The following TNR variants were observed in gnomAD, a reference collection of about 807,000 sequenced individuals.
TNR encodes tenascin-R.
Under a neutral mutation model 150.4 loss-of-function variants are expected in TNR, and 45 were observed. That is an observed-to-expected ratio of 0.30 (90% CI 0.24 to 0.38). The LOEUF is 0.38. Ranked by LOEUF, TNR falls within the 10% of genes least tolerant of loss-of-function variation. TNR has a pLI of 1.00. For missense variants in TNR, 1,544 were observed against 1,759.1 expected, an observed-to-expected ratio of 0.88 and a Z score of 2.19; for synonymous variants, 687 against 678.4, an observed-to-expected ratio of 1.01 and a Z score of -0.20.
intron 2 of TNR, among the ~76,000 whole-genome samples, chr1:175,460,669 A>G (rs1349087479): frequency 6.6e-6 from 1 of 152,228 alleles, no homozygotes; most frequent in Non-Finnish European, 1.5e-5. Flanking sequence ...CTCATAGATG[A>G]GCAAACTGGG....
intron 1 of TNR, among the ~76,000 whole-genome samples, chr1:175,629,576 G>A (rs943936403): frequency 2.6e-4 from 39 of 152,130 alleles, no homozygotes; most frequent in South Asian, 4.1e-4. Flanking sequence ...CCAGGCTGGC[G>A]TCAAACCCTG....
intron 2 of TNR, among the ~76,000 whole-genome samples, chr1:175,505,766 C>G (rs1658935254): frequency 6.6e-6 from 1 of 152,234 alleles, no homozygotes; most frequent in Non-Finnish European, 1.5e-5. Context: ...TAAGGCCGGA[C>G]ATGGTGGCTC....
intron 1 of TNR, among the ~76,000 whole-genome samples, chr1:175,669,394 T>C (rs1665627824): frequency 6.6e-6 from 1 of 152,208 alleles, no homozygotes; most frequent in Non-Finnish European, 1.5e-5. Flanking sequence ...CTGGTTATCC[T>C]TTGCATACAT....
intron 4 of TNR, among the ~76,000 whole-genome samples, chr1:175,402,630 A>G (rs1653766958): frequency 6.6e-6 from 1 of 152,226 alleles, no homozygotes; most frequent in Non-Finnish European, 1.5e-5. Flanking sequence ...AATTAATAAC[A>G]TCTTGCAATC....
intron 20 of TNR, 25 bp from the exon 21 acceptor site, chr1:175,330,260 C>T (rs1649664500): frequency 2.0e-6 from 3 of 1,499,954 alleles, no homozygotes; most frequent in African/African-American, 2.8e-5. Context: ...AGAAAATGCA[C>T]TGAGACTGGC....
intron 2 of TNR, among the ~76,000 whole-genome samples, chr1:175,415,676 TG>T (rs1435433276): frequency 1.3e-5 from 2 of 152,204 alleles, no homozygotes; most frequent in Non-Finnish European, 2.9e-5. Flanking sequence ...GGGTGGTATA[TG>T]GGACCCAGCT....
At chr1:175,437,957 G>A (rs987924646) in intron 2 of TNR, among the ~76,000 whole-genome samples, 1 of 152,170 alleles carries the variant, frequency 6.6e-6, no homozygotes, top group African/African-American at 2.4e-5. Flanking sequence ...GTACAAGGAG[G>A]AGCTGGTACC....
Position 175,671,362 on chromosome 1 carries a change from C to G in TNR, c.-165+71864G>C, listed in dbSNP as rs76649964. Among the ~76,000 whole-genome samples, 1,442 of 152,312 alleles carry G rather than the reference C, an allele frequency of 9.5e-3. 25 individuals carry two copies. The highest frequency in any genetic ancestry group is 0.033 in the African/African-American group (1,358 of 41,570). The stretch of plus-strand genomic sequence containing the variant: ...CTGTGCAGCCAGGCAGACTTGCTGC[C>G]TTTTGGGCAAGCTGGCCATGCTGAG... On this transcript the variant is annotated intron_variant, in intron 1 of 22. Coordinates refer to ENST00000367674, the MANE Select transcript of TNR (RefSeq NM_003285.3).
chr1:175,707,619 A>G (rs190591273), intron 1 of TNR, among the ~76,000 whole-genome samples: 9 of 152,328 alleles, frequency 5.9e-5, no homozygotes, highest in Middle Eastern at 6.8e-3. Flanking sequence ...CCTAAAAAAG[A>G]CCAGGAAGTG....
intron 2 of TNR, among the ~76,000 whole-genome samples, chr1:175,437,704 T>G (rs1450124938): frequency 6.6e-6 from 1 of 152,134 alleles, no homozygotes; most frequent in South Asian, 2.1e-4. Flanking sequence ...ATATCACCAC[T>G]GATCCCACAG....
At chr1:175,417,620 A>G (rs1033955811) in intron 2 of TNR, among the ~76,000 whole-genome samples, 3 of 152,200 alleles carry the variant, frequency 2.0e-5, no homozygotes, top group African/African-American at 7.2e-5. Context: ...TATAACTGTA[A>G]ATGTAGGAAC....
At chr1:175,384,165 A>G (rs1652815875) in intron 8 of TNR, among the ~76,000 whole-genome samples, 1 of 152,198 alleles carries the variant, frequency 6.6e-6, no homozygotes, top group Non-Finnish European at 1.5e-5. Context: ...CAAAGAAACC[A>G]CTTTTCAAAC....
At chr1:175,446,385 T>C (rs529788952) in intron 2 of TNR, among the ~76,000 whole-genome samples, 1 of 152,336 alleles carries the variant, frequency 6.6e-6, no homozygotes, top group Non-Finnish European at 1.5e-5. Context: ...ATGGCTATTA[T>C]TTTTTCTTTA....
At chr1:175,567,521 G>A (rs1003195302) in intron 1 of TNR, among the ~76,000 whole-genome samples, 3 of 152,218 alleles carry the variant, frequency 2.0e-5, no homozygotes, top group African/African-American at 7.2e-5. Context: ...GGGCAACGAG[G>A]AAATGATGGT....
chr1:175,670,735 A>G (rs1665673433), intron 1 of TNR, among the ~76,000 whole-genome samples: 1 of 152,196 alleles, frequency 6.6e-6, no homozygotes, highest in Admixed American at 6.5e-5. Context: ...TTTTCAGGAA[A>G]GCGTGAATGG....
chr1:175,652,000 A>T (rs1383115864), intron 1 of TNR, among the ~76,000 whole-genome samples: 1 of 150,676 alleles, frequency 6.6e-6, no homozygotes, highest in Non-Finnish European at 1.5e-5. Context: ...ATGGAATATA[A>T]TTCTCTTTAT....
chr1:175,545,377 T>G (rs1326359204), intron 1 of TNR, among the ~76,000 whole-genome samples: 1 of 150,778 alleles, frequency 6.6e-6, no homozygotes, highest in Non-Finnish European at 1.5e-5. Flanking sequence ...GTAGATTACT[T>G]ATTTAATGAT....
At chr1:175,674,610 C>A (rs950055270) in intron 1 of TNR, among the ~76,000 whole-genome samples, 7 of 152,108 alleles carry the variant, frequency 4.6e-5, no homozygotes, top group Non-Finnish European at 1.0e-4. Flanking sequence ...GGTGGCCAAC[C>A]AACCCCTTTG....
rs1418341691 is a variant in TNR, at chr1:175,493,035, G to A, written c.-64+35234C>T. ...TCACACAGCCAAAGGAGGGAGAGTG[G>A]ACTTGGCGCATTTCTCCTGTGACAC... On this transcript the variant is annotated intron_variant, in intron 2 of 22. Transcript: ENST00000367674. 2.0e-5 allele frequency among the ~76,000 whole-genome samples: 3 copies of A among 152,080 alleles called. No homozygotes were observed. In the East Asian group the frequency reaches 5.8e-4, roughly 30 times the overall value.
Sources: allele counts gnomAD v4.1 joint callset (sites outside exome capture counted in the v4.1 genomes callset), GRCh38; gene constraint gnomAD v4.1.1; transcripts MANE v1.5; gene names NCBI Gene and HGNC (gene_info 2026-07-23, HGNC 2026-07-21).